Variants in BPHL observed in about 807,000 individuals in gnomAD.
BPHL encodes serine hydrolase BPHL.
A neutral mutation model predicts 31.2 loss-of-function variants in BPHL; 27 were observed. The observed-to-expected ratio is 0.87, with a 90% CI of 0.64 to 1.19. The LOEUF is 1.19. Among genes scored for constraint, BPHL ranks in the 50% most tolerant of loss-of-function variants. The pLI, the probability that BPHL is intolerant of heterozygous loss-of-function variation, is 0.00. For synonymous variants in BPHL, 150 were observed against 146.8 expected (o/e 1.02, Z -0.16); for missense variants, 356 against 375.7 (o/e 0.95, Z 0.43).
chr6:3,151,368 T>A (rs1447297367), intron 6 of BPHL, among the ~76,000 whole-genome samples: 1 of 152,202 alleles, frequency 6.6e-6, no homozygotes, highest in Admixed American at 6.5e-5. Context: ...GTCGTGATTG[T>A]TAGTAATAGC....
At chr6:3,146,535 T>TG (rs1581487885) in intron 6 of BPHL, among the ~76,000 whole-genome samples, 8 of 5,490 alleles carry the variant, frequency 1.5e-3, no homozygotes, top group East Asian at 5.6e-3. Flanking sequence ...AGTGCTGGTT[T>TG]GGGTCGAGTG....
chr6:3,152,755 G>C lies in BPHL; in HGVS notation c.*180G>C, dbSNP rs1056201352. 24 of 543,330 alleles carry C rather than the reference G, an allele frequency of 4.4e-5. No homozygotes were observed. The highest frequency in any genetic ancestry group is 5.0e-4 in the Middle Eastern group (1 of 1,986). 33.7% of individuals were successfully genotyped at this position (543,330 alleles called of 1,614,324 possible). On this transcript the variant is annotated 3_prime_UTR_variant, in exon 7 of 7. Transcript: ENST00000380379. ...CAGCCTCTAGCTTCAGGCTGGGCAC[G>C]GTGGCTCACAGCTATAATCTCAGCA...
In BPHL at chr6:3,118,734, T is replaced by C. The variant is rs1471286585; in HGVS notation, c.-7T>C. 3.2e-6 allele frequency: 4 copies of C among 1,260,934 alleles called. No individual in the cohort carries two copies. The highest frequency in any genetic ancestry group is 3.5e-5 in the South Asian group (1 of 28,696). The allele number at this position is 1,260,934 out of a possible 1,614,324, so 78.1% of individuals were successfully genotyped here. A position where few individuals can be genotyped will look rare whatever the true frequency, so the allele number is the denominator to read the frequency against. On this transcript the variant is annotated 5_prime_UTR_variant, in exon 1 of 7. Coordinates refer to ENST00000380379, the MANE Select transcript of BPHL (RefSeq NM_004332.4). ...GCGCACTCCCGGCAGCTACGCGACC[T>C]GTGACCATGGTGGCTGTGCTGGGCG...
At chr6:3,119,279 T>C (rs540168395) in intron 1 of BPHL, 40 of 1,540,212 alleles carry the variant, frequency 2.6e-5, no homozygotes, top group African/African-American at 1.4e-4. Flanking sequence ...CTTTCTCTTA[T>C]GTCAGAAATC....
Position 3,140,534 on chromosome 6 carries a change from C to G in BPHL, c.788+25C>G, listed in dbSNP as rs114602287. 1,038 of 1,612,198 alleles carry G rather than the reference C, an allele frequency of 6.4e-4. 6 individuals are homozygous for G. The African/African-American group carries it at 0.012, about 19-fold the overall frequency. ...GGTAAGTCCTGTCACCGCCTTCACA[C>G]TCCCCCCGAGAGCCTCGGAGTCAAT... On this transcript the variant is annotated intron_variant, in intron 6 of 6. Transcript: ENST00000380379. The surrounding 1 kb of genome is among the most constrained non-coding windows in gnomAD (Gnocchi z 5.2).
intron 1 of BPHL, chr6:3,119,367 G>C (rs375820804): frequency 1.3e-6 from 2 of 1,576,808 alleles, no homozygotes; most frequent in Non-Finnish European, 1.7e-6. Flanking sequence ...TGCTGATCTC[G>C]TACCTTAATG....
chr6:3,120,989 C>T (rs550210430), intron 1 of BPHL, among the ~76,000 whole-genome samples: 15 of 152,316 alleles, frequency 9.8e-5, no homozygotes, highest in Non-Finnish European at 1.9e-4. Context: ...TGGCCACTTC[C>T]TAGCTCTGTG....
At chr6:3,123,636 G>T in intron 1 of BPHL, 21 bp from the exon 2 acceptor site, 1 of 1,602,682 alleles carries the variant, frequency 6.2e-7, no homozygotes, top group Non-Finnish European at 8.5e-7. Flanking sequence ...CCCCTGTGGG[G>T]ATGTGTTTTT....
rs1762149496 is a variant in BPHL at position 3,140,622 on chromosome 6, C to G, written c.788+113C>G. On this transcript the variant is annotated intron_variant, in intron 6 of 6. Coordinates refer to ENST00000380379, the MANE Select transcript of BPHL (RefSeq NM_004332.4). This position sits in a 1 kb window ranked among gnomAD's most constrained non-coding sequence, Gnocchi z 5.2. ...TGGAGTTTTAGAGTGCACAGCCCCC[C>G]TTTTGCCAATGCCAGTCAGTAGCAC... is the stretch of plus-strand genomic sequence containing the variant. 5 of 1,493,528 alleles carry G rather than the reference C, an allele frequency of 3.3e-6. No individual in the cohort carries two copies. The highest frequency in any genetic ancestry group is 4.5e-6 in the Non-Finnish European group (5 of 1,105,844). The allele number at this position is 1,493,528 out of a possible 1,614,324, so 92.5% of individuals were successfully genotyped here. A position where few individuals can be genotyped will look rare whatever the true frequency, so the allele number is the denominator to read the frequency against.
At chr6:3,146,799 G>C in intron 6 of BPHL, among the ~76,000 whole-genome samples, 1 of 149,762 alleles carries the variant, frequency 6.7e-6, no homozygotes, top group Non-Finnish European at 1.5e-5. Context: ...TTGGGTCGGA[G>C]TGCTGGTTCG....
In BPHL at chr6:3,131,463, C is replaced by T. The variant is rs1044394984; in HGVS notation, c.532+2265C>T. Reference sequence around the variant, plus strand: ...TGATGCTTTCTGTTGTTACATAATACCCCTCCAGTTATCCTCACCTCTCTT... The same window carrying T: ...TGATGCTTTCTGTTGTTACATAATATCCCTCCAGTTATCCTCACCTCTCTT... On this transcript the variant is annotated intron_variant, in intron 4 of 6. Transcript: ENST00000380379. Among the ~76,000 whole-genome samples, 12 of 152,182 alleles carry T rather than the reference C, an allele frequency of 7.9e-5. 1 individual carries two copies. The highest frequency in any genetic ancestry group is 2.9e-4 in the African/African-American group (12 of 41,434).
chr6:3,136,881 A>C (rs2113762539), intron 4 of BPHL, among the ~76,000 whole-genome samples: 1 of 152,398 alleles, frequency 6.6e-6, no homozygotes, highest in South Asian at 2.1e-4. Flanking sequence ...AGCAGAAATT[A>C]GAATGAATAA....
At chr6:3,134,881 C>G (rs1158455762) in intron 4 of BPHL, among the ~76,000 whole-genome samples, 1 of 152,090 alleles carries the variant, frequency 6.6e-6, no homozygotes, top group Non-Finnish European at 1.5e-5. Flanking sequence ...GGATTACAGG[C>G]ATGAACCACC....
At chr6:3,145,740 C>CG (rs200574119) in intron 6 of BPHL, among the ~76,000 whole-genome samples, 1 of 29,500 alleles carries the variant, frequency 3.4e-5, no homozygotes. Flanking sequence ...TGGTTTGGGT[C>CG]GAGTGCTGGT....
intron 4 of BPHL, among the ~76,000 whole-genome samples, chr6:3,131,352 C>A (rs1761862221): frequency 6.6e-6 from 1 of 152,146 alleles, no homozygotes; most frequent in Admixed American, 6.5e-5. Context: ...GACCCGGCAT[C>A]CAGGCAGAGT....
chr6:3,136,067 ACACT>A (rs1346200648), intron 4 of BPHL, among the ~76,000 whole-genome samples: 2 of 152,200 alleles, frequency 1.3e-5, no homozygotes, highest in Non-Finnish European at 2.9e-5. Flanking sequence ...ACACTCATAC[ACACT>A]CACACCCCGG....
chr6:3,149,179 C>T lies in BPHL; in HGVS notation c.789-3309C>T, dbSNP rs114787750. Among the ~76,000 whole-genome samples, 543 of 152,282 alleles carry T rather than the reference C, an allele frequency of 3.6e-3. 3 individuals are homozygous for T. The highest frequency in any genetic ancestry group is 0.012 in the African/African-American group (509 of 41,544). On this transcript the variant is annotated intron_variant, in intron 6 of 6. Coordinates refer to ENST00000380379, the MANE Select transcript of BPHL (RefSeq NM_004332.4). This position sits in a 1 kb window ranked among gnomAD's most constrained non-coding sequence, Gnocchi z 4.6. ...TGGATGTAGCCTGTCAGTATGGACTCTGTGCTGGTTAGACAAAACTGTCCT... is the reference window on the plus strand; with the variant it reads ...TGGATGTAGCCTGTCAGTATGGACTTTGTGCTGGTTAGACAAAACTGTCCT...
chr6:3,129,481 G>C (rs372274364), intron 4 of BPHL, among the ~76,000 whole-genome samples: 1 of 152,186 alleles, frequency 6.6e-6, no homozygotes, highest in Non-Finnish European at 1.5e-5. Flanking sequence ...AGGGAAGGAG[G>C]GGGTGGTGTG....
chr6:3,129,397 G>C (rs1761807020), intron 4 of BPHL, among the ~76,000 whole-genome samples, 199 bp downstream of exon 4: 1 of 152,260 alleles, frequency 6.6e-6, no homozygotes, highest in Non-Finnish European at 1.5e-5. Context: ...GTTTCCAGGA[G>C]TGAAACTTCC....
Sources: allele counts gnomAD v4.1 joint callset (sites outside exome capture counted in the v4.1 genomes callset), GRCh38; gene constraint gnomAD v4.1.1; non-coding constraint Gnocchi (gnomAD v3.1); transcripts MANE v1.5; gene names NCBI Gene and HGNC (gene_info 2026-07-23, HGNC 2026-07-21).